Variants in C9 observed in about 807,000 individuals in gnomAD.
C9 encodes the protein complement C9.
A neutral mutation model predicts 65.4 loss-of-function variants in C9; 63 were observed. That is an observed-to-expected ratio of 0.96 (90% CI 0.79 to 1.19). C9 has a LOEUF of 1.19. C9 is among the 50% of genes most tolerant of loss of function. The probability of loss-of-function intolerance (pLI) is 0.00; values close to 1 mark genes in which losing one functional copy is unlikely to be tolerated. For missense variants in C9, 744 were observed against 670.1 expected, an observed-to-expected ratio of 1.11 and a Z score of -1.22; for synonymous variants, 229 against 227.9, an observed-to-expected ratio of 1.00 and a Z score of -0.04.
intron 9 of C9, among the ~76,000 whole-genome samples, chr5:39,303,611 A>G (rs1361260936): frequency 6.6e-6 from 1 of 151,706 alleles, no homozygotes; most frequent in Non-Finnish European, 1.5e-5. Flanking sequence ...TCTCAGTAAC[A>G]TATTCATACA....
At chr5:39,364,096 C>T (rs1754572225) in intron 1 of C9, among the ~76,000 whole-genome samples, 1 of 152,192 alleles carries the variant, frequency 6.6e-6, no homozygotes, top group African/African-American at 2.4e-5. Context: ...GTTCATCATA[C>T]ACTGGTGAAA....
At position 39,323,142 on chromosome 5, in the gene C9, T is replaced by C. The variant is rs533321481; in HGVS notation, c.616-7113A>G. 3.9e-4 allele frequency among the ~76,000 whole-genome samples: 59 copies of C among 152,082 alleles called. 1 individual carries two copies. In the Middle Eastern group the frequency reaches 0.014, roughly 35 times the overall value. On this transcript the variant is annotated intron_variant, in intron 5 of 10. Coordinates refer to ENST00000263408, the MANE Select transcript of C9 (RefSeq NM_001737.5). ...TGAAGAAATAGAAAATGCAGACCAATAATGATTAAAAAGATTGAATCAGTA... is the reference window on the plus strand; with the variant it reads ...TGAAGAAATAGAAAATGCAGACCAACAATGATTAAAAAGATTGAATCAGTA...
In C9 at chr5:39,357,326, C is replaced by T. The variant is rs141646301; in HGVS notation, c.77+7062G>A. Among the ~76,000 whole-genome samples the T allele has an allele frequency of 1.4e-3, 214 of 152,302 alleles. 2 individuals carry two copies. Among genetic ancestry groups the T allele is most frequent in the African/African-American group, 5.0e-3 (208 of 41,562 alleles). ...GGCACAGTTTCTTTAGTTCATGCAACTCGTCAAGATGAAAAGATAATATAA... is the reference window on the plus strand; with the variant it reads ...GGCACAGTTTCTTTAGTTCATGCAATTCGTCAAGATGAAAAGATAATATAA... On this transcript the variant is annotated intron_variant, in intron 1 of 10. Transcript: ENST00000263408.
chr5:39,331,508 C>T (rs967826574), intron 5 of C9, among the ~76,000 whole-genome samples, 168 bp downstream of exon 5: 3 of 152,168 alleles, frequency 2.0e-5, no homozygotes, highest in Admixed American at 6.5e-5. Flanking sequence ...TGAGAAGACA[C>T]AATTGTATGT....
At chr5:39,349,526 T>G (rs565344148) in intron 1 of C9, among the ~76,000 whole-genome samples, 2 of 152,228 alleles carry the variant, frequency 1.3e-5, no homozygotes, top group Non-Finnish European at 2.9e-5. Flanking sequence ...TCCTTCAAAC[T>G]CTACATGCCC....
At position 39,308,257 on chromosome 5, in the gene C9, A is replaced by G. The variant is rs527488079; in HGVS notation, c.1213T>C (p.Cys405Arg). ...SVGAEFNKDD[C>R]VKRGEGRAVN... Reference sequence around the variant, plus strand: ...GCTCTACCCTCTCCCCTCTTTACACAATCATCTTTATTAAATTCAGCTCCA... The same window carrying G: ...GCTCTACCCTCTCCCCTCTTTACACGATCATCTTTATTAAATTCAGCTCCA... Residue 405 changes from cysteine (C) to arginine (R), a missense_variant, in exon 8 of 11, where the codon TGT becomes CGT. Transcript: ENST00000263408. The G allele has an allele frequency of 1.2e-5, 20 of 1,612,240 alleles. No homozygotes were observed. The East Asian group carries it at 3.8e-4, about 31-fold the overall frequency.
intron 9 of C9, among the ~76,000 whole-genome samples, chr5:39,304,552 CA>C (rs1192117117): frequency 6.6e-6 from 1 of 152,114 alleles, no homozygotes; most frequent in Non-Finnish European, 1.5e-5. Context: ...AACTATATCT[CA>C]TGTTTCTTCA....
At chr5:39,333,765 C>T (rs1048534739) in intron 4 of C9, among the ~76,000 whole-genome samples, 1 of 152,010 alleles carries the variant, frequency 6.6e-6, no homozygotes, top group Non-Finnish European at 1.5e-5. Flanking sequence ...GCGCGCACCG[C>T]CACGCCTGAC....
intron 9 of C9, among the ~76,000 whole-genome samples, chr5:39,294,765 A>C (rs1753153918): frequency 6.6e-6 from 1 of 151,882 alleles, no homozygotes. Flanking sequence ...ACAACACACA[A>C]AAAAACCCAT....
At chr5:39,339,814 C>T (rs1261511) in intron 4 of C9, among the ~76,000 whole-genome samples, 1 of 151,976 alleles carries the variant, frequency 6.6e-6, no homozygotes, top group South Asian at 2.1e-4. Flanking sequence ...CACCCACCAC[C>T]ATGCCCTGCT....
intron 5 of C9, among the ~76,000 whole-genome samples, chr5:39,325,214 T>C (rs1300096122): frequency 6.6e-6 from 1 of 152,202 alleles, no homozygotes; most frequent in East Asian, 1.9e-4. Context: ...AGAAGAAACC[T>C]ATGAACAACA....
intron 9 of C9, among the ~76,000 whole-genome samples, chr5:39,303,173 G>A (rs951190292): frequency 6.6e-6 from 1 of 152,142 alleles, no homozygotes; most frequent in African/African-American, 2.4e-5. Context: ...AGGTTTAAGA[G>A]GAAAACAAAG....
intron 9 of C9, among the ~76,000 whole-genome samples, chr5:39,303,336 A>G (rs1294284629): frequency 2.0e-5 from 3 of 152,068 alleles, no homozygotes; most frequent in African/African-American, 7.2e-5. Context: ...GCATGGAGAA[A>G]GGCCAAGGAG....
In C9 at chr5:39,289,185, C is replaced by T. The variant is rs139015138; in HGVS notation, c.1417-234G>A. Among the ~76,000 whole-genome samples, 122 of 150,922 alleles carry T rather than the reference C, an allele frequency of 8.1e-4. 1 individual carries two copies. The highest frequency in any genetic ancestry group is 2.9e-3 in the African/African-American group (119 of 41,138). ...GGCTGATATTAATAAAATAATGATGCATAAATTTCAAATAGAAAGTGTGAT... is the reference window on the plus strand; with the variant it reads ...GGCTGATATTAATAAAATAATGATGTATAAATTTCAAATAGAAAGTGTGAT... On this transcript the variant is annotated intron_variant, in intron 9 of 10. Coordinates refer to ENST00000263408, the MANE Select transcript of C9 (RefSeq NM_001737.5).
intron 4 of C9, among the ~76,000 whole-genome samples, chr5:39,339,635 A>G (rs1045146567): frequency 6.9e-6 from 1 of 145,436 alleles, no homozygotes; most frequent in Non-Finnish European, 1.5e-5. Context: ...TGGTCTCCAG[A>G]TACTGTCTTT....
At chr5:39,325,105 T>A (rs1017230794) in intron 5 of C9, among the ~76,000 whole-genome samples, 4 of 152,214 alleles carry the variant, frequency 2.6e-5, no homozygotes, top group African/African-American at 9.7e-5. Context: ...TAGAGAAAAC[T>A]GTTGAAGATG....
At chr5:39,301,127 T>TA (rs1192251079) in intron 9 of C9, among the ~76,000 whole-genome samples, 2 of 152,030 alleles carry the variant, frequency 1.3e-5, no homozygotes, top group African/African-American at 2.4e-5. Flanking sequence ...TAAGTCAAAA[T>TA]AAAAAAATCA....
chr5:39,319,066 A>G (rs774714404), intron 5 of C9, among the ~76,000 whole-genome samples: 15 of 151,900 alleles, frequency 9.9e-5, no homozygotes, highest in Non-Finnish European at 1.9e-4. Flanking sequence ...CTCCCATAGC[A>G]CAGACATCAC....
intron 5 of C9, among the ~76,000 whole-genome samples, chr5:39,316,641 T>C (rs533465508): frequency 3.3e-4 from 50 of 152,334 alleles, no homozygotes; most frequent in African/African-American, 1.2e-3. Flanking sequence ...GATAATGGCT[T>C]CCAGCTCCAT....
Sources: allele counts gnomAD v4.1 joint callset (sites outside exome capture counted in the v4.1 genomes callset), GRCh38; gene constraint gnomAD v4.1.1; transcripts MANE v1.5; gene names NCBI Gene and HGNC (gene_info 2026-07-23, HGNC 2026-07-21).